The following GRB10 variants were observed in gnomAD, a reference collection of about 807,000 sequenced individuals.
The protein encoded by GRB10 is growth factor receptor bound protein 10.
A neutral mutation model predicts 80.9 loss-of-function variants in GRB10; 20 were observed. That is an observed-to-expected ratio of 0.25 (90% CI 0.17 to 0.36). The LOEUF is 0.36. GRB10 is among the 10% of genes least tolerant of loss of function. The pLI is 1.00. For missense variants in GRB10, 548 were observed against 747.7 expected (o/e 0.73, Z 3.12); for synonymous variants, 291 against 291.5 (o/e 1.00, Z 0.02).
intron 3 of GRB10, among the ~76,000 whole-genome samples, chr7:50,739,009 T>A (rs2071281493): frequency 1.3e-5 from 2 of 152,168 alleles, no homozygotes; most frequent in African/African-American, 4.8e-5. Flanking sequence ...TTAAATAATC[T>A]TCATGATAAA....
Position 50,604,365 on chromosome 7 carries a change from G to A in GRB10, c.1402C>T (p.Arg468Trp), listed in dbSNP as rs1440263826. ...CTTTGGCTACCTAGGATGTTCATCC[G>A]TGTGCTTCGCTTCTGCAAAAGAAAT... ...EGHAWRKRST[R>W]MNILGSQSPL... The change falls in exon 16 of 19, where the codon CGG becomes TGG. Residue 468 changes from arginine to tryptophan, a missense_variant. Arg to Trp is a moderately radical substitution (Grantham distance 101, BLOSUM62 -3). This residue lies in a region of GRB10 where 270 missense variants were observed against 433.6 expected (regional missense o/e 0.62). Coordinates refer to ENST00000401949, the MANE Select transcript of GRB10 (RefSeq NM_001350814.2). 1.2e-5 allele frequency: 19 copies of A among 1,612,684 alleles called. No individual in the cohort carries two copies. The highest frequency in any genetic ancestry group is 2.2e-5 in the East Asian group (1 of 44,888).
intron 12 of GRB10, among the ~76,000 whole-genome samples, chr7:50,614,023 T>C (rs1003288741): frequency 6.6e-6 from 1 of 152,156 alleles, no homozygotes; most frequent in African/African-American, 2.4e-5. Context: ...TGTAAAACTG[T>C]CAGTGGAACA....
intron 7 of GRB10, among the ~76,000 whole-genome samples, chr7:50,648,781 G>A (rs1035180298): frequency 6.6e-6 from 1 of 152,144 alleles, no homozygotes; most frequent in Non-Finnish European, 1.5e-5. Flanking sequence ...CTTATTGTTT[G>A]AAGTAGTCCC....
intron 17 of GRB10, among the ~76,000 whole-genome samples, chr7:50,597,178 A>T (rs1166158064): frequency 1.3e-5 from 2 of 152,228 alleles, no homozygotes; most frequent in African/African-American, 4.8e-5. Context: ...ACTGCCTAGC[A>T]GTTTTCCAAT....
intron 5 of GRB10, among the ~76,000 whole-genome samples, chr7:50,692,235 C>A (rs1267084771): frequency 2.0e-5 from 3 of 151,966 alleles, no homozygotes; most frequent in Non-Finnish European, 2.9e-5. Context: ...CCTTGAGCAT[C>A]CTTGGATTTT....
chr7:50,671,938 G>A (rs1358525320), intron 6 of GRB10, among the ~76,000 whole-genome samples: 2 of 152,242 alleles, frequency 1.3e-5, no homozygotes, highest in Non-Finnish European at 2.9e-5. Flanking sequence ...GAGGGGTGCT[G>A]AGATTTAGGG....
At chr7:50,761,766 T>TGGA (rs2075791859) in intron 2 of GRB10, 1 of 152,224 alleles carries the variant, frequency 6.6e-6, no homozygotes, top group African/African-American at 2.4e-5. Context: ...AGGTGGAGCC[T>TGGA]GGTGGAAGGT....
chr7:50,789,855 G>T (rs2078841905), intron 1 of GRB10, among the ~76,000 whole-genome samples: 1 of 152,136 alleles, frequency 6.6e-6, no homozygotes, highest in South Asian at 2.1e-4. Context: ...CCCAGGAAAT[G>T]GCTTCTTCTG....
chr7:50,605,441 G>A (rs761871710), intron 14 of GRB10, 35 bp from the exon 15 acceptor site: 3 of 1,523,014 alleles, frequency 2.0e-6, no homozygotes, highest in East Asian at 2.3e-5. Context: ...TAAAATGCAG[G>A]GAAATAAGGC....
At chr7:50,786,422 A>C (rs973317450), upstream of GRB10, among the ~76,000 whole-genome samples, 2 of 152,250 alleles carry the variant, frequency 1.3e-5, no homozygotes, top group African/African-American at 4.8e-5. Flanking sequence ...AACAAGACTC[A>C]TCTTCAAGGA....
intron 7 of GRB10, among the ~76,000 whole-genome samples, chr7:50,644,064 G>A (rs1031179336): frequency 3.9e-5 from 6 of 152,264 alleles, no homozygotes; most frequent in African/African-American, 1.2e-4. Context: ...TGGAAAGCAT[G>A]GGGGCCCTTG....
rs770873375 is a variant in GRB10, at chr7:50,612,776, T to C, written c.1159A>G (p.Arg387Gly). The change falls in exon 13 of 19, where the codon AGG becomes GGG. Residue 387 changes from arginine to glycine, a missense_variant. By Grantham distance (125) the Arg-to-Gly change is moderately radical. Coordinates refer to ENST00000401949, the MANE Select transcript of GRB10 (RefSeq NM_001350814.2). ...RLLCAEDEQT[R>G]TCWMTAFRLL... Reference sequence around the variant, plus strand: ...CTGAACGCTGTCATCCAGCACGTCCTGGTTTGCTCGTCCTCTGCACAGAGC... The same window carrying C: ...CTGAACGCTGTCATCCAGCACGTCCCGGTTTGCTCGTCCTCTGCACAGAGC... The C allele has an allele frequency of 8.7e-6, 14 of 1,614,084 alleles. No homozygotes were observed. The highest frequency in any genetic ancestry group is 1.2e-5 in the Non-Finnish European group (14 of 1,179,974).
At chr7:50,775,717 G>A (rs2077559687) in intron 2 of GRB10, among the ~76,000 whole-genome samples, 2 of 152,200 alleles carry the variant, frequency 1.3e-5, no homozygotes, top group African/African-American at 4.8e-5. Flanking sequence ...GACTCTCTGA[G>A]GCATCCTTTC....
intron 3 of GRB10, among the ~76,000 whole-genome samples, chr7:50,739,441 T>A (rs537642267): frequency 2.6e-5 from 4 of 152,154 alleles, no homozygotes; most frequent in Non-Finnish European, 5.9e-5. Context: ...CAAATAGACA[T>A]CTTCTAACCC....
chr7:50,626,760 A>AGCG lies in GRB10; in HGVS notation c.661+61_661+62insCGC, dbSNP rs2052981636. On this transcript the variant is annotated intron_variant, in intron 8 of 18. Transcript: ENST00000401949. ...CACACATTTGGCATTTGGCAGCAGCAGTCTTCATTCAATTGCACATAAGCA... is the reference window on the plus strand; with the variant it reads ...CACACATTTGGCATTTGGCAGCAGCAGCGGTCTTCATTCAATTGCACATAAGCA... The AGCG allele has an allele frequency of 3.8e-6, 6 of 1,583,146 alleles. No homozygotes were observed. In the African/African-American group the frequency reaches 8.1e-5, roughly 21 times the overall value.
At chr7:50,641,960 C>T (rs1179708397) in intron 7 of GRB10, among the ~76,000 whole-genome samples, 1 of 152,218 alleles carries the variant, frequency 6.6e-6, no homozygotes, top group Non-Finnish European at 1.5e-5. Context: ...CACGAACTCA[C>T]TGCTGCTCAC....
chr7:50,753,696 T>C (rs535773889), intron 3 of GRB10, among the ~76,000 whole-genome samples: 1 of 152,180 alleles, frequency 6.6e-6, no homozygotes, highest in Non-Finnish European at 1.5e-5. Flanking sequence ...CTCTGTAAGC[T>C]GCCAGTGATC....
intron 4 of GRB10, among the ~76,000 whole-genome samples, chr7:50,731,225 G>A (rs1344044829): frequency 6.6e-6 from 1 of 151,782 alleles, no homozygotes; most frequent in Non-Finnish European, 1.5e-5. Context: ...ACCAATTTTG[G>A]CTTTGTGTCA....
chr7:50,662,293 C>T (rs1563337618), intron 7 of GRB10, among the ~76,000 whole-genome samples: 1 of 152,136 alleles, frequency 6.6e-6, no homozygotes. Flanking sequence ...TGGTCATGAC[C>T]CAGGATGTGC....
Sources: allele counts gnomAD v4.1 joint callset (sites outside exome capture counted in the v4.1 genomes callset), GRCh38; gene constraint gnomAD v4.1.1; regional missense constraint gnomAD v4.1.1; transcripts MANE v1.5; gene names NCBI Gene and HGNC (gene_info 2026-07-23, HGNC 2026-07-21).